MOB1B: variants seen among roughly 807,000 people sequenced by gnomAD.
MOB1B encodes MOB1 Mps One Binder homolog B.
Under a neutral mutation model 24.4 loss-of-function variants are expected in MOB1B, and 19 were observed. The observed-to-expected ratio is 0.78, with a 90% confidence interval of 0.54 to 1.14. The LOEUF (loss-of-function observed/expected upper bound fraction) is 1.14. Ranked by LOEUF, MOB1B falls within the 50% of genes most tolerant of loss-of-function variation. MOB1B has a pLI of 0.00. For synonymous variants in MOB1B, 76 were observed against 82.1 expected, an observed-to-expected ratio of 0.93 and a Z score of 0.40; for missense variants, 243 against 259.6, an observed-to-expected ratio of 0.94 and a Z score of 0.44.
In MOB1B at chr4:70,987,540, G is replaced by T. The variant is rs1739420507; in HGVS notation, c.*5483G>T. The stretch of plus-strand genomic sequence containing the variant: ...CTAACTTGTATTTATTATTGTACAT[G>T]CATAACCAGGGTGGTGAGGGCACTA... On this transcript the variant is annotated 3_prime_UTR_variant, in exon 6 of 6. Transcript: ENST00000309395. 6.6e-6 allele frequency: 1 copy of T among 152,058 alleles called. No individual in the cohort carries two copies. The highest frequency in any genetic ancestry group is 1.5e-5 in the Non-Finnish European group (1 of 67,984). The allele number at this position is 152,058 out of a possible 1,614,324, so 9.4% of individuals were successfully genotyped here. A position where few individuals can be genotyped will look rare whatever the true frequency, so the allele number is the denominator to read the frequency against.
chr4:70,921,419 TAAAAA>T (rs1560633483), intron 1 of MOB1B, among the ~76,000 whole-genome samples: 1 of 151,600 alleles, frequency 6.6e-6, no homozygotes, highest in South Asian at 2.1e-4. Context: ...TTAACTATAT[TAAAAA>T]AAGAATTGCC....
intron 1 of MOB1B, among the ~76,000 whole-genome samples, chr4:70,913,812 T>C (rs1736094116): frequency 6.6e-6 from 1 of 152,190 alleles, no homozygotes; most frequent in African/African-American, 2.4e-5. Context: ...TAGTGTTCGT[T>C]GATATTTCTT....
intron 1 of MOB1B, among the ~76,000 whole-genome samples, chr4:70,912,344 A>T (rs1211998581): frequency 1.3e-5 from 2 of 150,156 alleles, no homozygotes; most frequent in South Asian, 4.2e-4. Context: ...CAGTGGTGCG[A>T]TCTCTGCTCA....
intron 1 of MOB1B, among the ~76,000 whole-genome samples, chr4:70,910,415 G>A (rs755146630): frequency 9.9e-5 from 15 of 151,210 alleles, no homozygotes; most frequent in Non-Finnish European, 1.9e-4. Context: ...ATACACATGC[G>A]TGTATATACA....
chr4:70,933,983 T>TAC (rs1736982675), intron 1 of MOB1B, among the ~76,000 whole-genome samples: 2 of 152,216 alleles, frequency 1.3e-5, no homozygotes, highest in African/African-American at 4.8e-5. Context: ...GGCCAGGAGT[T>TAC]CAAGACCAGC....
Position 70,921,628 on chromosome 4 carries a change from G to A in MOB1B, c.14+19078G>A, listed in dbSNP as rs187850718. On this transcript the variant is annotated intron_variant, in intron 1 of 5. Coordinates refer to ENST00000309395, the MANE Select transcript of MOB1B (RefSeq NM_173468.4). ...AGTTCAAGCAATTCTCTTGCCTCAG[G>A]CTCCCCAGTAGCTGGGATTACAGGC... 3.3e-4 allele frequency among the ~76,000 whole-genome samples: 50 copies of A among 151,634 alleles called. No individual in the cohort carries two copies. In the East Asian group the frequency reaches 8.0e-3, roughly 24 times the overall value.
intron 1 of MOB1B, among the ~76,000 whole-genome samples, chr4:70,952,658 A>G (rs1168660371): frequency 3.3e-5 from 5 of 150,860 alleles, no homozygotes; most frequent in African/African-American, 1.2e-4. Context: ...AAAAAAAAAA[A>G]ACAAAACAAA....
At chr4:70,911,355 A>G (rs1192275546) in intron 1 of MOB1B, among the ~76,000 whole-genome samples, 1 of 151,588 alleles carries the variant, frequency 6.6e-6, no homozygotes, top group Non-Finnish European at 1.5e-5. Flanking sequence ...GTTATTAAAT[A>G]TATAGAATTT....
chr4:70,971,142 A>C (rs72854138), intron 3 of MOB1B, among the ~76,000 whole-genome samples: 8,055 of 152,220 alleles, frequency 0.053, 436 homozygotes, highest in African/African-American at 0.14. Context: ...GTTTGAACTT[A>C]TATGAACTGT....
intron 2 of MOB1B, 64 bp from the exon 3 acceptor site, chr4:70,969,867 C>A: frequency 4.5e-6 from 4 of 888,962 alleles, no homozygotes; most frequent in South Asian, 1.6e-5. Flanking sequence ...TGTTCAAGTA[C>A]AATTAAAATT....
At chr4:70,959,441 T>C (rs1179332117) in intron 2 of MOB1B, among the ~76,000 whole-genome samples, 1 of 152,222 alleles carries the variant, frequency 6.6e-6, no homozygotes, top group East Asian at 1.9e-4. Flanking sequence ...CTTGAACTCC[T>C]GACCTCAAGT....
intron 1 of MOB1B, among the ~76,000 whole-genome samples, chr4:70,903,974 C>CTTTTTTTTTTTTTTTTTTTT (rs754257097): frequency 3.1e-4 from 25 of 81,014 alleles, no homozygotes; most frequent in East Asian, 4.4e-4. Context: ...TATTTTAGTT[C>CTTTTTTTTTTTTTTTTTTTT]TTTTTTTTTT....
chr4:70,916,784 G>A (rs1377480821), intron 1 of MOB1B, among the ~76,000 whole-genome samples: 1 of 152,044 alleles, frequency 6.6e-6, no homozygotes, highest in Non-Finnish European at 1.5e-5. Context: ...GGCTAGCCTC[G>A]TCTCGAACTC....
intron 1 of MOB1B, among the ~76,000 whole-genome samples, chr4:70,920,645 C>A (rs1449617454): frequency 6.6e-6 from 1 of 152,146 alleles, no homozygotes; most frequent in Non-Finnish European, 1.5e-5. Context: ...GAAATTCTTA[C>A]CCTTTTGCCA....
intron 1 of MOB1B, among the ~76,000 whole-genome samples, chr4:70,937,265 ACTT>A (rs1737123662): frequency 6.7e-6 from 1 of 148,756 alleles, no homozygotes; most frequent in Non-Finnish European, 1.5e-5. Flanking sequence ...TTTATATGGG[ACTT>A]CTTTTTTTTT....
chr4:70,944,242 CCAGGCTGGT>C (rs1173150031), intron 1 of MOB1B, among the ~76,000 whole-genome samples: 1 of 152,172 alleles, frequency 6.6e-6, no homozygotes, highest in Non-Finnish European at 1.5e-5. Context: ...ACCATGCTGG[CCAGGCTGGT>C]CTCAAACTCC....
At chr4:70,913,546 C>T (rs1268175890) in intron 1 of MOB1B, among the ~76,000 whole-genome samples, 2 of 152,146 alleles carry the variant, frequency 1.3e-5, no homozygotes, top group South Asian at 2.1e-4. Context: ...CTGCCTTGGC[C>T]TCCCGAAGTG....
intron 2 of MOB1B, among the ~76,000 whole-genome samples, chr4:70,959,299 C>G (rs1738199414): frequency 6.6e-6 from 1 of 152,156 alleles, no homozygotes; most frequent in Admixed American, 6.6e-5. Flanking sequence ...GCCTTGAACT[C>G]CTGGGCTCAA....
chr4:70,964,545 T>G (rs536981764), intron 2 of MOB1B, among the ~76,000 whole-genome samples: 2 of 152,162 alleles, frequency 1.3e-5, no homozygotes, highest in Non-Finnish European at 2.9e-5. Flanking sequence ...TAAATACATA[T>G]ATTATAAAAG....
Sources: gnomAD v4.1 joint callset for allele counts (sites outside exome capture counted in the v4.1 genomes callset) on GRCh38, gnomAD v4.1.1 for gene constraint, MANE v1.5 for transcripts, NCBI Gene and HGNC (gene_info 2026-07-23, HGNC 2026-07-21) for gene names.